SPPL3: variants seen among roughly 807,000 people sequenced by gnomAD.
The protein encoded by SPPL3 is signal peptide peptidase like 3.
Under a neutral mutation model 42.4 loss-of-function variants are expected in SPPL3, and 5 were observed. The ratio of observed to expected loss-of-function variants is 0.12; its 90% CI spans 0.06 to 0.25. The LOEUF (loss-of-function observed/expected upper bound fraction) is 0.25. SPPL3 is among the 10% of genes least tolerant of loss of function. The probability of loss-of-function intolerance (pLI) is 1.00; values close to 1 mark genes in which losing one functional copy is unlikely to be tolerated. For synonymous variants in SPPL3, 195 were observed against 181.8 expected, an observed-to-expected ratio of 1.07 and a Z score of -0.58; for missense variants, 235 against 489.0, an observed-to-expected ratio of 0.48 and a Z score of 4.90.
At chr12:120,814,269 C>T (rs1291354363) in intron 1 of SPPL3, among the ~76,000 whole-genome samples, 1 of 152,132 alleles carries the variant, frequency 6.6e-6, no homozygotes, top group Non-Finnish European at 1.5e-5. Flanking sequence ...TTTCACAGCA[C>T]CTCACAGGGG....
rs566455280 is a variant in SPPL3 at position 120,762,942 on chromosome 12, C to G, written c.*2057G>C. On this transcript the variant is annotated 3_prime_UTR_variant, in exon 11 of 11. Coordinates refer to ENST00000353487, the MANE Select transcript of SPPL3 (RefSeq NM_139015.5). Reference sequence around the variant, plus strand: ...ATCCGAGTCATTTTGGAGCCCCCCTCTCTGTCTCTGGGCCTGCTTAATTAG... The same window carrying G: ...ATCCGAGTCATTTTGGAGCCCCCCTGTCTGTCTCTGGGCCTGCTTAATTAG... 1.3e-5 allele frequency: 2 copies of G among 152,366 alleles called. No individual in the cohort carries two copies. The highest frequency in any genetic ancestry group is 4.1e-4 in the South Asian group (2 of 4,828). The allele number at this position is 152,366 out of a possible 1,614,324, so 9.4% of individuals were successfully genotyped here.
chr12:120,832,635 C>T (rs1368815339), intron 1 of SPPL3, among the ~76,000 whole-genome samples: 1 of 151,520 alleles, frequency 6.6e-6, no homozygotes, highest in East Asian at 1.9e-4. Flanking sequence ...CATTGCACTC[C>T]GGCCTGGGGA....
At chr12:120,899,624 C>T (rs1043592309) in intron 1 of SPPL3, among the ~76,000 whole-genome samples, 1 of 152,108 alleles carries the variant, frequency 6.6e-6, no homozygotes, top group African/African-American at 2.4e-5. Flanking sequence ...GGCACAGTGG[C>T]TCACACCTAT....
intron 1 of SPPL3, among the ~76,000 whole-genome samples, chr12:120,895,580 C>CA (rs918005309): frequency 6.6e-6 from 1 of 152,210 alleles, no homozygotes. Flanking sequence ...AAGGACATCT[C>CA]AAAGTTTAAG....
chr12:120,814,253 A>C (rs1433021749), intron 1 of SPPL3, among the ~76,000 whole-genome samples: 1 of 152,212 alleles, frequency 6.6e-6, no homozygotes, highest in Non-Finnish European at 1.5e-5. Flanking sequence ...TGGATCATGA[A>C]TTCTGTTTCA....
At position 120,852,907 on chromosome 12, in the gene SPPL3, T is replaced by A. The variant is rs974733930; in HGVS notation, c.24-42021A>T. Among the ~76,000 whole-genome samples, 43 of 26,930 alleles carry A rather than the reference T, an allele frequency of 1.6e-3. 1 individual carries two copies. Among genetic ancestry groups the A allele is most frequent in the African/African-American group, 3.0e-3 (41 of 13,560 alleles). The allele number at this position is 26,930 out of a possible 152,430, so 17.7% of individuals were successfully genotyped here. A position where few individuals can be genotyped will look rare whatever the true frequency, so the allele number is the denominator to read the frequency against. ...ATATATTTCATATATATATATATATTTTTTAAGATGGATTTTCACTCTTGT... is the reference window on the plus strand; with the variant it reads ...ATATATTTCATATATATATATATATATTTTAAGATGGATTTTCACTCTTGT... On this transcript the variant is annotated intron_variant, in intron 1 of 10. Coordinates refer to ENST00000353487, the MANE Select transcript of SPPL3 (RefSeq NM_139015.5).
chr12:120,820,246 G>A (rs1245300801), intron 1 of SPPL3, among the ~76,000 whole-genome samples: 3 of 146,366 alleles, frequency 2.0e-5, no homozygotes, highest in South Asian at 2.1e-4. Context: ...TTACAGAAAT[G>A]TTCATTTTTC....
At chr12:120,771,017 T>C (rs553144424) in intron 6 of SPPL3, among the ~76,000 whole-genome samples, 1 of 152,246 alleles carries the variant, frequency 6.6e-6, no homozygotes, top group East Asian at 1.9e-4. Flanking sequence ...CGTCTCTCTT[T>C]TACACCCTGC....
chr12:120,823,820 C>T (rs915210619), intron 1 of SPPL3, among the ~76,000 whole-genome samples: 2 of 152,090 alleles, frequency 1.3e-5, no homozygotes, highest in African/African-American at 4.8e-5. Flanking sequence ...GTGAATTAAC[C>T]TATTTGTTTT....
At chr12:120,770,507 C>T (rs74534835) in intron 6 of SPPL3, among the ~76,000 whole-genome samples, 2,550 of 152,298 alleles carry the variant, frequency 0.017, 81 homozygotes, top group African/African-American at 0.057. Context: ...GACACTGCTC[C>T]TGGGGGCTTG....
At chr12:120,833,886 C>T (rs372198795) in intron 1 of SPPL3, among the ~76,000 whole-genome samples, 31 of 151,400 alleles carry the variant, frequency 2.0e-4, no homozygotes, top group African/African-American at 6.6e-4. Context: ...GCTCTAAATG[C>T]GGGGCTACAG....
At chr12:120,829,503 G>A (rs964550381) in intron 1 of SPPL3, among the ~76,000 whole-genome samples, 1 of 152,150 alleles carries the variant, frequency 6.6e-6, no homozygotes, top group Non-Finnish European at 1.5e-5. Flanking sequence ...GACTGAGGCA[G>A]GGGAATCGCT....
chr12:120,831,670 T>C (rs1871429881), intron 1 of SPPL3, among the ~76,000 whole-genome samples: 1 of 152,190 alleles, frequency 6.6e-6, no homozygotes, highest in Admixed American at 6.5e-5. Flanking sequence ...AAACAAAACA[T>C]GAATTGCTTC....
At chr12:120,801,811 T>C (rs1870306882) in intron 2 of SPPL3, among the ~76,000 whole-genome samples, 1 of 152,180 alleles carries the variant, frequency 6.6e-6, no homozygotes, top group Non-Finnish European at 1.5e-5. Context: ...AAGGTCCAGA[T>C]GGCCACTGAC....
intron 1 of SPPL3, among the ~76,000 whole-genome samples, chr12:120,863,410 G>A (rs1872670512): frequency 6.6e-6 from 1 of 152,060 alleles, no homozygotes; most frequent in Admixed American, 6.6e-5. Context: ...ATTAGTGAGA[G>A]GAATGGTACC....
intron 1 of SPPL3, among the ~76,000 whole-genome samples, chr12:120,840,771 G>A (rs487310): frequency 0.29 from 43,929 of 151,890 alleles, 7,692 homozygotes; most frequent in Non-Finnish European, 0.4. Context: ...GGCGGAGGTT[G>A]CAGTGAGACA....
intron 1 of SPPL3, among the ~76,000 whole-genome samples, chr12:120,875,602 C>A (rs1233868265): frequency 6.8e-6 from 1 of 147,510 alleles, no homozygotes; most frequent in African/African-American, 2.6e-5. Flanking sequence ...GCCCTCTAGC[C>A]TGGGCGACAG....
rs138250651 is a variant in SPPL3 at position 120,790,071 on chromosome 12, C to T, written c.190+1398G>A. On this transcript the variant is annotated intron_variant, in intron 3 of 10. Transcript: ENST00000353487. ...TTAAAAAGAGTTTCAGGAGTATAAA[C>T]TGATTTGGCTTAAAATGTTGACAGA... 3.9e-3 allele frequency among the ~76,000 whole-genome samples: 590 copies of T among 152,250 alleles called. 4 individuals are homozygous for T. Among genetic ancestry groups the T allele is most frequent in the African/African-American group, 0.013 (527 of 41,558 alleles).
intron 1 of SPPL3, among the ~76,000 whole-genome samples, chr12:120,870,386 G>A (rs1298171905): frequency 6.6e-6 from 1 of 152,142 alleles, no homozygotes; most frequent in South Asian, 2.1e-4. Context: ...CAGAGGTCAC[G>A]GTAAGCAGAG....
Sources: allele counts gnomAD v4.1 joint callset (sites outside exome capture counted in the v4.1 genomes callset), GRCh38; gene constraint gnomAD v4.1.1; transcripts MANE v1.5; gene names NCBI Gene and HGNC (gene_info 2026-07-23, HGNC 2026-07-21).